The following GRAMD1C variants were observed in gnomAD, a reference collection of about 807,000 sequenced individuals.
The protein encoded by GRAMD1C is GRAM domain containing 1C, also known as protein Aster-C.
Under a neutral mutation model 97.8 loss-of-function variants are expected in GRAMD1C, and 89 were observed. The observed-to-expected ratio is 0.91, with a 90% CI of 0.77 to 1.09. The LOEUF is 1.09. Among genes scored for constraint, GRAMD1C ranks in the 50% least tolerant of loss-of-function variants. GRAMD1C has a pLI of 0.00. For missense variants in GRAMD1C, 740 were observed against 766.4 expected (o/e 0.97, Z 0.41); for synonymous variants, 256 against 267.0 (o/e 0.96, Z 0.40).
intron 5 of GRAMD1C, among the ~76,000 whole-genome samples, chr3:113,881,469 T>C (rs1034738911): frequency 2.6e-5 from 4 of 152,240 alleles, no homozygotes; most frequent in African/African-American, 9.6e-5. Context: ...AATCAAGATT[T>C]ATTAATATGT....
At chr3:113,921,296 T>G (rs908502896) in intron 10 of GRAMD1C, among the ~76,000 whole-genome samples, 3 of 152,250 alleles carry the variant, frequency 2.0e-5, no homozygotes, top group African/African-American at 7.2e-5. Flanking sequence ...CATATTTTCT[T>G]TATCCAGTCT....
chr3:113,870,424 C>T (rs1394566823), intron 3 of GRAMD1C, among the ~76,000 whole-genome samples: 2 of 150,768 alleles, frequency 1.3e-5, no homozygotes, highest in Non-Finnish European at 3.0e-5. Flanking sequence ...TACCAGAGGG[C>T]TAGGAAAGGT....
chr3:113,850,268 A>G lies in GRAMD1C; in HGVS notation c.174+5619A>G, dbSNP rs139388469. ...AGGTGGCTGACCACGTCCACGACCAAATCTGCCTTTAAACTGGAATTCGGT... is the reference window on the plus strand; with the variant it reads ...AGGTGGCTGACCACGTCCACGACCAGATCTGCCTTTAAACTGGAATTCGGT... On this transcript the variant is annotated intron_variant, in intron 2 of 17. Transcript: ENST00000358160. 3.1e-3 allele frequency: 2,040 copies of G among 666,636 alleles called. 16 individuals carry two copies. The African/African-American group carries it at 0.033, about 11-fold the overall frequency. The allele number at this position is 666,636 out of a possible 1,614,324, so 41.3% of individuals were successfully genotyped here. A position where few individuals can be genotyped will look rare whatever the true frequency, so the allele number is the denominator to read the frequency against.
chr3:113,834,133 A>AT (rs1709600302), upstream of GRAMD1C, among the ~76,000 whole-genome samples: 1 of 152,130 alleles, frequency 6.6e-6, no homozygotes, highest in Non-Finnish European at 1.5e-5. Flanking sequence ...GCATTTTGTA[A>AT]TTTTTGAAGC....
chr3:113,904,925 C>A (rs576696062), intron 8 of GRAMD1C, among the ~76,000 whole-genome samples: 3 of 152,184 alleles, frequency 2.0e-5, no homozygotes, highest in Admixed American at 6.5e-5. Flanking sequence ...ACCTCCACCC[C>A]CTGGGTTCAA....
intron 2 of GRAMD1C, among the ~76,000 whole-genome samples, chr3:113,866,212 G>T (rs952443518): frequency 6.6e-6 from 1 of 152,140 alleles, no homozygotes; most frequent in Admixed American, 6.5e-5. Context: ...GTCTGTTCTT[G>T]CAGTTCTGTC....
At chr3:113,891,497 T>TA (rs11372948) in intron 6 of GRAMD1C, among the ~76,000 whole-genome samples, 3,298 of 152,120 alleles carry the variant, frequency 0.022, 138 homozygotes, top group African/African-American at 0.076. Context: ...TAAAAAAAGA[T>TA]AAAAAACCCT....
At chr3:113,846,148 C>T (rs184358922) in intron 2 of GRAMD1C, among the ~76,000 whole-genome samples, 5 of 151,904 alleles carry the variant, frequency 3.3e-5, no homozygotes, top group African/African-American at 1.2e-4. Context: ...CTCTTGTCAC[C>T]CAGGCCAGAG....
chr3:113,844,826 G>A, intron 2 of GRAMD1C, 177 bp downstream of exon 2: 1 of 519,858 alleles, frequency 1.9e-6, no homozygotes, highest in Non-Finnish European at 3.3e-6. Flanking sequence ...CCACTAGAAT[G>A]CACTGTTGTC....
chr3:113,833,100 T>TTTTCTTTTC (rs1553713297), intron 1 of GRAMD1C, among the ~76,000 whole-genome samples: 1 of 147,052 alleles, frequency 6.8e-6, no homozygotes, highest in Non-Finnish European at 1.5e-5. Context: ...TTTTCTTTTC[T>TTTTCTTTTC]TTTCTTTCTT....
chr3:113,934,746 A>AT (rs1937544962), intron 13 of GRAMD1C, among the ~76,000 whole-genome samples: 1 of 151,890 alleles, frequency 6.6e-6, no homozygotes, highest in Non-Finnish European at 1.5e-5. Context: ...TATTTTTTTT[A>AT]TTTTTTATTT....
intron 6 of GRAMD1C, chr3:113,885,780 A>G: frequency 6.2e-7 from 1 of 1,603,686 alleles, no homozygotes; most frequent in South Asian, 1.1e-5. Context: ...ACAGCACTGC[A>G]CTTTGCAGTT....
intron 6 of GRAMD1C, among the ~76,000 whole-genome samples, chr3:113,894,768 A>T (rs1436796372): frequency 2.0e-5 from 3 of 152,188 alleles, no homozygotes; most frequent in South Asian, 2.1e-4. Context: ...ATGTCTTTTC[A>T]TCTTATTCCC....
chr3:113,939,601 C>T (rs1937670000), intron 15 of GRAMD1C: 1 of 258,994 alleles, frequency 3.9e-6, no homozygotes, highest in Admixed American at 5.1e-5. Flanking sequence ...ACTAGTATTC[C>T]TAGCAGAGGG....
chr3:113,939,226 A>G (rs1472330921), intron 15 of GRAMD1C: 1 of 150,658 alleles, frequency 6.6e-6, no homozygotes, highest in African/African-American at 2.5e-5. Context: ...ATATTTGCAT[A>G]TATATATATA....
At chr3:113,857,745 T>G (rs745485627) in intron 2 of GRAMD1C, among the ~76,000 whole-genome samples, 3 of 152,204 alleles carry the variant, frequency 2.0e-5, no homozygotes, top group Non-Finnish European at 4.4e-5. Flanking sequence ...TATTCCTATA[T>G]CAAGTGATAT....
chr3:113,849,303 A>ATTTT (rs1170238787), intron 2 of GRAMD1C, among the ~76,000 whole-genome samples: 1,821 of 143,398 alleles, frequency 0.013, 92 homozygotes, highest in East Asian at 0.023. Context: ...TTATTTATTT[A>ATTTT]TTTATTTTTT....
chr3:113,866,408 A>T (rs181057334), intron 2 of GRAMD1C, among the ~76,000 whole-genome samples: 8 of 152,110 alleles, frequency 5.3e-5, no homozygotes, highest in Middle Eastern at 3.4e-3. Context: ...TCATCCTTTT[A>T]CTTTCAACTT....
chr3:113,945,440 C>T lies in GRAMD1C; in HGVS notation c.1951C>T (p.Leu651=). ...TATGCTTCAGAAAACGTTTGATCTA[C>T]TAAATAAGAATAAGACTGGCATGGC... The part of the protein sequence containing the change: ...LIMLQKTFDL[L]NKNKTGMAVE... Residue 651 remains leucine (L), a synonymous_variant, in exon 18 of 18, where the codon CTA becomes TTA. Transcript: ENST00000358160. The T allele has an allele frequency of 6.2e-7, 1 of 1,600,136 alleles. No homozygotes were observed. The highest frequency in any genetic ancestry group is 8.6e-7 in the Non-Finnish European group (1 of 1,167,954).
Sources: gnomAD v4.1 joint callset for allele counts (sites outside exome capture counted in the v4.1 genomes callset) on GRCh38, gnomAD v4.1.1 for gene constraint, MANE v1.5 for transcripts, NCBI Gene and HGNC (gene_info 2026-07-23, HGNC 2026-07-21) for gene names.